The following LRP1B variants were observed in gnomAD, a reference collection of about 807,000 sequenced individuals.
LRP1B encodes the protein LDL receptor related protein 1B.
LRP1B carries 217 observed loss-of-function variants against 556.6 expected under a neutral mutation model. That is an observed-to-expected ratio of 0.39 (90% CI 0.35 to 0.44). The LOEUF (loss-of-function observed/expected upper bound fraction) is 0.44. Among genes scored for constraint, LRP1B ranks in the 20% least tolerant of loss-of-function variants. LRP1B has a pLI of 1.00. For synonymous variants in LRP1B, 2,047 were observed against 1,865.8 expected, an observed-to-expected ratio of 1.10 and a Z score of -2.50; for missense variants, 5,053 against 5,620.8, an observed-to-expected ratio of 0.90 and a Z score of 3.23.
intron 31 of LRP1B, among the ~76,000 whole-genome samples, chr2:140,832,058 A>G (rs1042535045): frequency 2.6e-5 from 4 of 152,290 alleles, no homozygotes; most frequent in East Asian, 1.9e-4. Flanking sequence ...GAACACTCCT[A>G]TGTTGTTGGT....
At chr2:141,576,798 T>A (rs2105272467) in intron 2 of LRP1B, among the ~76,000 whole-genome samples, 1 of 148,188 alleles carries the variant, frequency 6.7e-6, no homozygotes, top group Middle Eastern at 3.5e-3. Context: ...GAAGCATACA[T>A]TAATACTCAG....
In LRP1B at chr2:141,449,478, T is replaced by C. The variant is rs182681995; in HGVS notation, c.343+30918A>G. ...TATATTTCAGATTTTTTACATTTTT[T>C]ATATTGCAGATTCCATTGGCATTTA... On this transcript the variant is annotated intron_variant, in intron 3 of 90. Coordinates refer to ENST00000389484, the MANE Select transcript of LRP1B (RefSeq NM_018557.3). Among the ~76,000 whole-genome samples the C allele has an allele frequency of 2.0e-5, 3 of 152,328 alleles. No individual in the cohort carries two copies. In the East Asian group the frequency reaches 5.8e-4, roughly 29 times the overall value.
chr2:140,655,998 T>A (rs1022001824), intron 41 of LRP1B, among the ~76,000 whole-genome samples: 15 of 152,152 alleles, frequency 9.9e-5, no homozygotes, highest in African/African-American at 3.6e-4. Context: ...ACTAGTTTAA[T>A]TCCCAAAGGA....
In LRP1B at chr2:140,924,499, C is replaced by T. The variant is rs374425653; in HGVS notation, c.3137-1352G>A. 5.9e-5 allele frequency among the ~76,000 whole-genome samples: 9 copies of T among 152,088 alleles called. No homozygotes were observed. In the East Asian group the frequency reaches 1.7e-3, roughly 29 times the overall value. Reference sequence around the variant, plus strand: ...GATGTTCAAGATGGACTTGACCATACATCCTAAATATTGCTTGTGCAGTAA... The same window carrying T: ...GATGTTCAAGATGGACTTGACCATATATCCTAAATATTGCTTGTGCAGTAA... On this transcript the variant is annotated intron_variant, in intron 20 of 90. Transcript: ENST00000389484.
intron 82 of LRP1B, among the ~76,000 whole-genome samples, chr2:140,319,989 C>T (rs1370336641): frequency 6.6e-6 from 1 of 152,142 alleles, no homozygotes; most frequent in East Asian, 1.9e-4. Context: ...CACTTCTACA[C>T]ACTAACTAAA....
intron 3 of LRP1B, among the ~76,000 whole-genome samples, chr2:141,380,481 G>A (rs1379064203): frequency 6.6e-6 from 1 of 152,152 alleles, no homozygotes; most frequent in Non-Finnish European, 1.5e-5. Flanking sequence ...CTCCTAAGAT[G>A]TTGGATTATA....
intron 41 of LRP1B, among the ~76,000 whole-genome samples, chr2:140,670,723 C>A (rs764441430): frequency 1.3e-5 from 2 of 152,088 alleles, no homozygotes; most frequent in South Asian, 2.1e-4. Flanking sequence ...CAAATCCAGG[C>A]AAAGAGAATC....
intron 1 of LRP1B, among the ~76,000 whole-genome samples, chr2:141,905,127 G>C (rs1381904375): frequency 1.3e-5 from 2 of 152,038 alleles, no homozygotes; most frequent in East Asian, 3.9e-4. Context: ...TATTAAGGTA[G>C]TTTTGTGCAT....
At chr2:140,790,636 C>G (rs1181512631) in intron 32 of LRP1B, among the ~76,000 whole-genome samples, 1 of 152,160 alleles carries the variant, frequency 6.6e-6, no homozygotes, top group Admixed American at 6.5e-5. Flanking sequence ...AAGCCTTCTA[C>G]TAGGTAGTGA....
rs144813989 is a variant in LRP1B, at chr2:141,247,039, T to G, written c.592+187A>C. Reference sequence around the variant, plus strand: ...TTTGGAAGGAGTAATGGAAGGAGTTTTATAATGATTAGTGACAACTGAAAG... The same window carrying G: ...TTTGGAAGGAGTAATGGAAGGAGTTGTATAATGATTAGTGACAACTGAAAG... On this transcript the variant is annotated intron_variant, in intron 5 of 90. Transcript: ENST00000389484. Among the ~76,000 whole-genome samples, 250 of 152,256 alleles carry G rather than the reference T, an allele frequency of 1.6e-3. 1 individual carries two copies. Among genetic ancestry groups the G allele is most frequent in the African/African-American group, 5.6e-3 (232 of 41,556 alleles).
At chr2:140,453,635 T>C (rs961898971) in intron 62 of LRP1B, among the ~76,000 whole-genome samples, 1 of 151,622 alleles carries the variant, frequency 6.6e-6, no homozygotes, top group African/African-American at 2.4e-5. Flanking sequence ...TTTTAAAGCT[T>C]AAGTGAAGCC....
chr2:141,920,193 C>G (rs2104971288), intron 1 of LRP1B, among the ~76,000 whole-genome samples: 1 of 146,904 alleles, frequency 6.8e-6, no homozygotes, highest in Non-Finnish European at 1.5e-5. Context: ...TTAAAATTAT[C>G]TATCAAAAAC....
intron 2 of LRP1B, among the ~76,000 whole-genome samples, chr2:141,604,129 T>C (rs1057010875): frequency 1.3e-5 from 2 of 152,146 alleles, no homozygotes; most frequent in Admixed American, 6.5e-5. Flanking sequence ...GGATGGTCGA[T>C]AGATGGTCCA....
chr2:141,064,463 A>G (rs1699426340), intron 7 of LRP1B, among the ~76,000 whole-genome samples: 1 of 151,946 alleles, frequency 6.6e-6, no homozygotes, highest in African/African-American at 2.4e-5. Context: ...CTAAATCATA[A>G]AACGGATTGA....
chr2:140,426,523 T>C (rs1377174613), intron 66 of LRP1B, among the ~76,000 whole-genome samples: 1 of 152,116 alleles, frequency 6.6e-6, no homozygotes, highest in Non-Finnish European at 1.5e-5. Flanking sequence ...GTTCCTGCCT[T>C]AACTGATGAC....
intron 1 of LRP1B, among the ~76,000 whole-genome samples, chr2:142,088,771 C>G (rs1011233295): frequency 6.6e-6 from 1 of 151,942 alleles, no homozygotes; most frequent in East Asian, 1.9e-4. Context: ...GTCAGGAGAT[C>G]GAGACCATCC....
intron 1 of LRP1B, among the ~76,000 whole-genome samples, chr2:141,935,387 T>C (rs1700608455): frequency 6.6e-6 from 1 of 152,176 alleles, no homozygotes; most frequent in Non-Finnish European, 1.5e-5. Context: ...TATTCATTAT[T>C]AGAGAAGGAA....
At chr2:140,632,815 C>A (rs1683935070) in intron 41 of LRP1B, among the ~76,000 whole-genome samples, 1 of 152,150 alleles carries the variant, frequency 6.6e-6, no homozygotes, top group Admixed American at 6.5e-5. Context: ...GTAATCCCAG[C>A]ACTTTTGGGA....
chr2:140,277,241 C>T (rs1188869102), intron 84 of LRP1B, among the ~76,000 whole-genome samples: 1 of 151,872 alleles, frequency 6.6e-6, no homozygotes, highest in Non-Finnish European at 1.5e-5. Context: ...AACTTATCTG[C>T]AGTATGCTAA....
Sources: gnomAD v4.1 joint callset for allele counts (sites outside exome capture counted in the v4.1 genomes callset) on GRCh38, gnomAD v4.1.1 for gene constraint, MANE v1.5 for transcripts, NCBI Gene and HGNC (gene_info 2026-07-23, HGNC 2026-07-21) for gene names.